FAAH2: variants seen among roughly 807,000 people sequenced by gnomAD.
FAAH2 encodes fatty acid amide hydrolase 2, also known as fatty-acid amide hydrolase 2.
A neutral mutation model predicts 36.9 loss-of-function variants in FAAH2; 60 were observed. The observed-to-expected ratio is 1.63, with a 90% CI of 1.32 to 2.02. FAAH2 has a LOEUF of 2.02. Among genes scored for constraint, FAAH2 ranks in the 30% most tolerant of loss-of-function variants. FAAH2 has a pLI of 0.00. For missense variants in FAAH2, 689 were observed against 397.5 expected (o/e 1.73, Z -6.23); for synonymous variants, 214 against 143.8 (o/e 1.49, Z -3.49).
the FAAH2 span, among the ~76,000 whole-genome samples, chrX:57,151,982 G>A: frequency 8.9e-6 from 1 of 111,910 alleles, no homozygotes; most frequent in Non-Finnish European, 1.9e-5. Context: ...TAACAGACAG[G>A]ACCCTGAGGC....
chrX:57,219,664 G>A, the FAAH2 span, among the ~76,000 whole-genome samples: 2 of 110,912 alleles, frequency 1.8e-5, no homozygotes, highest in Admixed American at 9.5e-5. Flanking sequence ...AAAAAAGGCA[G>A]CAGTGATGAT....
intron 7 of FAAH2, among the ~76,000 whole-genome samples, chrX:57,387,599 TA>T (rs1047969080): frequency 9.0e-6 from 1 of 111,184 alleles, no homozygotes; most frequent in African/African-American, 3.3e-5. Context: ...GAGTTTTGAA[TA>T]AAAAAAGAAA....
chrX:57,467,270 GT>G (rs1418684412), intron 10 of FAAH2, among the ~76,000 whole-genome samples: 1 of 110,937 alleles, frequency 9.0e-6, no homozygotes, highest in Non-Finnish European at 1.9e-5. Flanking sequence ...AGCGGGTGCA[GT>G]GCAATGAGAG....
chrX:57,233,223 G>T, the FAAH2 span, among the ~76,000 whole-genome samples: 5 of 111,551 alleles, frequency 4.5e-5, no homozygotes, highest in Admixed American at 9.5e-5. Flanking sequence ...TCACGTGATA[G>T]ATAGTGTGGG....
At chrX:57,412,173 C>T (rs777596124) in intron 7 of FAAH2, among the ~76,000 whole-genome samples, 102 of 111,683 alleles carry the variant, frequency 9.1e-4, no homozygotes, top group African/African-American at 3.1e-3. Flanking sequence ...TAACTATAGT[C>T]ACCTTATTGT....
intron 3 of FAAH2, among the ~76,000 whole-genome samples, chrX:57,315,736 A>C (rs2052819010): frequency 9.0e-6 from 1 of 111,590 alleles, no homozygotes; most frequent in Non-Finnish European, 1.9e-5. Context: ...CTCCCAACAG[A>C]CTAGGCATCG....
chrX:57,155,783 C>T, the FAAH2 span, among the ~76,000 whole-genome samples: 2 of 112,153 alleles, frequency 1.8e-5, no homozygotes, highest in Admixed American at 9.4e-5. Context: ...TGGCAGCCCT[C>T]CTCAAGGAAC....
the FAAH2 span, among the ~76,000 whole-genome samples, chrX:57,163,567 G>A: frequency 4.5e-5 from 5 of 112,066 alleles, no homozygotes; most frequent in Non-Finnish European, 7.5e-5. Flanking sequence ...CTCGTGGTGC[G>A]CCGTTTTTTA....
chrX:57,334,480 A>G (rs1043205678), intron 4 of FAAH2, among the ~76,000 whole-genome samples: 4 of 111,343 alleles, frequency 3.6e-5, no homozygotes, highest in Non-Finnish European at 7.5e-5. Context: ...TCATAGAGAA[A>G]AAAAGAATAC....
chrX:57,448,767 G>A lies in FAAH2; in HGVS notation c.1423+49G>A, dbSNP rs1335855540. The A allele has an allele frequency of 4.5e-6, 5 of 1,104,183 alleles. No homozygotes were observed. In the African/African-American group the frequency reaches 9.2e-5, roughly 20 times the overall value. 91.0% of individuals were successfully genotyped at this position (1,104,183 alleles called of 1,213,427 possible). A position where few individuals can be genotyped will look rare whatever the true frequency, so the allele number is the denominator to read the frequency against. On this transcript the variant is annotated intron_variant, in intron 10 of 10. Transcript: ENST00000374900. ...TCTGTAATCTTAAAGAAATAGAGATGTATGTTTCCAAGGAAAGCATAATTT... is the reference window on the plus strand; with the variant it reads ...TCTGTAATCTTAAAGAAATAGAGATATATGTTTCCAAGGAAAGCATAATTT...
intron 8 of FAAH2, among the ~76,000 whole-genome samples, chrX:57,437,492 A>C (rs1282464655): frequency 9.1e-6 from 1 of 109,843 alleles, no homozygotes; most frequent in Non-Finnish European, 1.9e-5. Context: ...TAAAGACTCC[A>C]AAAAGAATCC....
At chrX:57,263,822 A>T in the FAAH2 span, among the ~76,000 whole-genome samples, 1 of 111,821 alleles carries the variant, frequency 8.9e-6, no homozygotes, top group Non-Finnish European at 1.9e-5. Context: ...TGGAATCAAG[A>T]CTGTGTGGTA....
chrX:57,150,741 G>A, the FAAH2 span, among the ~76,000 whole-genome samples: 1 of 111,983 alleles, frequency 8.9e-6, no homozygotes, highest in East Asian at 2.8e-4. Context: ...CTTTTAATTG[G>A]AGCATTTAGC....
intron 10 of FAAH2, among the ~76,000 whole-genome samples, chrX:57,470,235 G>T (rs1185740769): frequency 9.6e-6 from 1 of 103,867 alleles, no homozygotes; most frequent in Non-Finnish European, 2.0e-5. Flanking sequence ...CAGAAGGAGA[G>T]AAATAACTCA....
intron 7 of FAAH2, 34 bp from the exon 8 acceptor site, chrX:57,431,884 A>T (rs778050036): frequency 8.7e-7 from 1 of 1,143,252 alleles, no homozygotes; most frequent in Admixed American, 2.5e-5. Context: ...TCTTCTCATC[A>T]TGTTTGTCTG....
chrX:57,468,483 A>G (rs761223752), intron 10 of FAAH2, among the ~76,000 whole-genome samples: 2 of 112,200 alleles, frequency 1.8e-5, no homozygotes, highest in African/African-American at 6.5e-5. Flanking sequence ...GATCAAACGG[A>G]AGAAAGGGTA....
the FAAH2 span, among the ~76,000 whole-genome samples, chrX:57,196,499 G>A: frequency 1.8e-5 from 2 of 111,084 alleles, no homozygotes; most frequent in South Asian, 3.8e-4. Flanking sequence ...CAATCATATC[G>A]TTGGTGAACA....
chrX:57,422,834 G>A (rs1388106002), intron 7 of FAAH2, among the ~76,000 whole-genome samples: 1 of 112,231 alleles, frequency 8.9e-6, no homozygotes, highest in African/African-American at 3.2e-5. Context: ...AAAATAGCAG[G>A]TAGAGAGTCA....
At chrX:57,165,176 C>G in the FAAH2 span, among the ~76,000 whole-genome samples, 1 of 112,042 alleles carries the variant, frequency 8.9e-6, no homozygotes, top group African/African-American at 3.2e-5. Context: ...TTGATCCAGC[C>G]ATCCCATTAC....
Sources: gnomAD v4.1 joint callset for allele counts (sites outside exome capture counted in the v4.1 genomes callset) on GRCh38, gnomAD v4.1.1 for gene constraint, MANE v1.5 for transcripts, NCBI Gene and HGNC (gene_info 2026-07-23, HGNC 2026-07-21) for gene names.